Variants in LITAF observed in about 807,000 individuals in gnomAD.
LITAF encodes lipopolysaccharide induced TNF factor.
Under a neutral mutation model 14.5 loss-of-function variants are expected in LITAF, and 9 were observed. That is an observed-to-expected ratio of 0.62 (90% CI 0.37 to 1.08). LITAF has a LOEUF of 1.08. LITAF is among the 50% of genes least tolerant of loss of function. The pLI is 0.01. For missense variants in LITAF, 206 were observed against 213.4 expected (o/e 0.97, Z 0.22); for synonymous variants, 98 against 88.2 (o/e 1.11, Z -0.62).
upstream of LITAF, chr16:11,587,246 T>C (rs1597361468): frequency 9.0e-6 from 3 of 334,982 alleles, no homozygotes; most frequent in Non-Finnish European, 1.2e-5. Flanking sequence ...CCCGACAGCC[T>C]GGCCCTCCCT....
chr16:11,568,427 G>A (rs942756336), intron 1 of LITAF, among the ~76,000 whole-genome samples: 7 of 152,070 alleles, frequency 4.6e-5, no homozygotes, highest in African/African-American at 1.7e-4. Flanking sequence ...CTCATCACCT[G>A]GTCCTTGGGG....
At chr16:11,638,084 C>CTATCTATATA (rs2065149617), upstream of LITAF, among the ~76,000 whole-genome samples, 1 of 75,244 alleles carries the variant, frequency 1.3e-5, no homozygotes, top group African/African-American at 9.1e-5. Flanking sequence ...ATATCTATAT[C>CTATCTATATA]TATCTATCTA....
chr16:11,555,221 G>A (rs1398842178), intron 2 of LITAF, among the ~76,000 whole-genome samples: 1 of 152,114 alleles, frequency 6.6e-6, no homozygotes, highest in East Asian at 1.9e-4. Flanking sequence ...TAGAGACAAT[G>A]TCTCACTATG....
intron 3 of LITAF, among the ~76,000 whole-genome samples, chr16:11,609,493 C>T (rs1226740963): frequency 2.0e-5 from 3 of 152,114 alleles, no homozygotes; most frequent in Non-Finnish European, 2.9e-5. Context: ...GAATTACAGG[C>T]GTGAGCCACC....
upstream of LITAF, among the ~76,000 whole-genome samples, chr16:11,639,820 C>T (rs1236609479): frequency 1.3e-5 from 2 of 151,972 alleles, no homozygotes; most frequent in African/African-American, 4.8e-5. Flanking sequence ...CATGGTGAAA[C>T]CCCATCTCTA....
In LITAF at chr16:11,556,569, C is replaced by T. The variant is rs1456827155; in HGVS notation, c.162G>A (p.Lys54=). 6.2e-7 allele frequency: 1 copy of T among 1,614,186 alleles called. No homozygotes were observed. Among genetic ancestry groups the T allele is most frequent in the Admixed American group, 1.7e-5 (1 of 60,020 alleles). Reference sequence around the variant, plus strand: ...TATAATACGAAGGAGGATTCATGCCCTTCCCATCAGGCCCCGTCACAAGCC... The same window carrying T: ...TATAATACGAAGGAGGATTCATGCCTTTCCCATCAGGCCCCGTCACAAGCC... The part of the protein sequence containing the change: ...TTGLVTGPDG[K]GMNPPSYYTQ... Residue 54 remains lysine (K), a synonymous_variant, in exon 2 of 4, where the codon AAG becomes AAA. Coordinates refer to ENST00000622633, the MANE Select transcript of LITAF (RefSeq NM_001136472.2).
intron 1 of LITAF, among the ~76,000 whole-genome samples, chr16:11,573,527 G>A (rs986879342): frequency 2.0e-5 from 3 of 152,132 alleles, no homozygotes; most frequent in Non-Finnish European, 2.9e-5. Context: ...AGCCTAGTCC[G>A]CCAGCAAGGC....
intron 2 of LITAF, among the ~76,000 whole-genome samples, chr16:11,635,156 T>C (rs1156360764): frequency 6.6e-6 from 1 of 152,226 alleles, no homozygotes; most frequent in Non-Finnish European, 1.5e-5. Context: ...CAAATTCCCC[T>C]GTCATGATAA....
At chr16:11,588,564 A>C (rs1366230320), upstream of LITAF, among the ~76,000 whole-genome samples, 3 of 146,500 alleles carry the variant, frequency 2.0e-5, no homozygotes, top group African/African-American at 7.4e-5. Context: ...AGAAAGAAAG[A>C]AAGGGAAAAG....
rs116814827 is a variant in LITAF at position 11,628,966 on chromosome 16, G to A, written c.85+4567C>T. Among the ~76,000 whole-genome samples, 1,160 of 152,292 alleles carry A rather than the reference G, an allele frequency of 7.6e-3. 16 individuals carry two copies. The highest frequency in any genetic ancestry group is 0.026 in the African/African-American group (1,090 of 41,568). On this transcript the variant is annotated intron_variant, in intron 3 of 3. Transcript: ENST00000574848. Reference sequence around the variant, plus strand: ...GCTGGGATTATAGGCGTGAGCCATTGCTCCCAGCCTATTTTAGTTTTTTTA... The same window carrying A: ...GCTGGGATTATAGGCGTGAGCCATTACTCCCAGCCTATTTTAGTTTTTTTA...
chr16:11,637,844 G>A (rs1380425315), upstream of LITAF, among the ~76,000 whole-genome samples: 1 of 143,696 alleles, frequency 7.0e-6, no homozygotes, highest in South Asian at 2.2e-4. Context: ...TTGTGCCACT[G>A]CATGCTAGTC....
intron 3 of LITAF, among the ~76,000 whole-genome samples, chr16:11,628,278 C>T (rs1212844488): frequency 1.3e-5 from 2 of 152,102 alleles, no homozygotes; most frequent in African/African-American, 2.4e-5. Context: ...AACTTGGGGC[C>T]GCCCCAGATT....
In LITAF at chr16:11,553,770, G is replaced by A. The variant is rs758731662; in HGVS notation, c.221-81C>T. ...TTCACTACAGGACAAAGAGAGGAAC[G>A]CAGGGATGCCAGCAAATATTATATT... On this transcript the variant is annotated intron_variant, in intron 2 of 3. Transcript: ENST00000622633. The surrounding 1 kb of genome is among the most constrained non-coding windows in gnomAD (Gnocchi z 7.7). 48 of 1,468,380 alleles carry A rather than the reference G, an allele frequency of 3.3e-5. No individual in the cohort carries two copies. The highest frequency in any genetic ancestry group is 1.1e-4 in the Admixed American group (6 of 57,044). The allele number at this position is 1,468,380 out of a possible 1,614,324, so 91.0% of individuals were successfully genotyped here.
upstream of LITAF, among the ~76,000 whole-genome samples, chr16:11,588,019 T>C (rs1260455391): frequency 2.0e-5 from 3 of 152,114 alleles, no homozygotes; most frequent in African/African-American, 4.8e-5. Context: ...GAGTGTGGCT[T>C]GTCCCGGGTC....
chr16:11,561,893 A>C (rs1044764850), intron 1 of LITAF, among the ~76,000 whole-genome samples: 6 of 146,194 alleles, frequency 4.1e-5, no homozygotes, highest in Non-Finnish European at 8.9e-5. Context: ...CACTCTCCAC[A>C]ATGTCTTTTT....
At chr16:11,574,689 G>A (rs1034040655) in intron 1 of LITAF, among the ~76,000 whole-genome samples, 1 of 152,140 alleles carries the variant, frequency 6.6e-6, no homozygotes, top group Admixed American at 6.6e-5. Context: ...CCTGTTTGCA[G>A]AGTGATTAAA....
chr16:11,582,635 A>G (rs950800093), intron 1 of LITAF, among the ~76,000 whole-genome samples: 8 of 152,144 alleles, frequency 5.3e-5, no homozygotes, highest in East Asian at 1.9e-4. Flanking sequence ...ACCCCAGAAT[A>G]AAAAAAGGGA....
Position 11,605,245 on chromosome 16 carries a change from G to C in LITAF, c.85+28288C>G, listed in dbSNP as rs1264137178. On this transcript the variant is annotated intron_variant, in intron 3 of 3. Transcript: ENST00000574848. The surrounding 1 kb of genome is among the most constrained non-coding windows in gnomAD (Gnocchi z 4.7). ...GAATTACGCACCGTGGACTTCACCA[G>C]TGGGGCTGTGACAAGTGCCTGTGTC... 2.6e-5 allele frequency among the ~76,000 whole-genome samples: 4 copies of C among 152,188 alleles called. No homozygotes were observed. The highest frequency in any genetic ancestry group is 9.7e-5 in the African/African-American group (4 of 41,444).
At chr16:11,614,006 A>G (rs1290738588) in intron 3 of LITAF, among the ~76,000 whole-genome samples, 1 of 152,176 alleles carries the variant, frequency 6.6e-6, no homozygotes, top group Non-Finnish European at 1.5e-5. Flanking sequence ...CACATGACTC[A>G]TTCATTCCCA....
Sources: gnomAD v4.1 joint callset for allele counts (sites outside exome capture counted in the v4.1 genomes callset) on GRCh38, gnomAD v4.1.1 for gene constraint, Gnocchi (gnomAD v3.1) non-coding constraint, MANE v1.5 for transcripts, NCBI Gene and HGNC (gene_info 2026-07-23, HGNC 2026-07-21) for gene names.